CDV3: variants seen among roughly 807,000 people sequenced by gnomAD.
CDV3 encodes the protein protein CDV3 homolog.
In CDV3, 14 loss-of-function variants were observed where a neutral mutation model predicts 24.5. The ratio of observed to expected loss-of-function variants is 0.57; its 90% CI spans 0.38 to 0.89. CDV3 has a LOEUF of 0.89. CDV3 is among the 40% of genes least tolerant of loss of function. The pLI is 0.00. For missense variants in CDV3, 304 were observed against 310.2 expected, an observed-to-expected ratio of 0.98 and a Z score of 0.15; for synonymous variants, 114 against 114.1, an observed-to-expected ratio of 1.00 and a Z score of 0.00.
Position 133,589,700 on chromosome 3 carries a change from C to A in CDV3, c.*1654C>A, listed in dbSNP as rs1372625829. 3 of 152,558 alleles carry A rather than the reference C, an allele frequency of 2.0e-5. No homozygotes were observed. The highest frequency in any genetic ancestry group is 1.3e-4 in the Admixed American group (2 of 15,278). 9.5% of individuals were successfully genotyped at this position (152,558 alleles called of 1,614,324 possible). On this transcript the variant is annotated 3_prime_UTR_variant, in exon 5 of 5. Transcript: ENST00000264993. Reference sequence around the variant, plus strand: ...TTTAGTCTTGACGAAAGTGTCCGTGCAGGAATTGGACTCCGAGGAGGGTTA... The same window carrying A: ...TTTAGTCTTGACGAAAGTGTCCGTGAAGGAATTGGACTCCGAGGAGGGTTA...
Position 133,574,012 on chromosome 3 carries a change from G to A in CDV3, c.-33G>A, listed in dbSNP as rs2074703708. The A allele has an allele frequency of 8.5e-6, 9 of 1,059,370 alleles. No individual in the cohort carries two copies. The highest frequency in any genetic ancestry group is 1.0e-5 in the Non-Finnish European group (9 of 871,362). The allele number at this position is 1,059,370 out of a possible 1,614,324, so 65.6% of individuals were successfully genotyped here. ...GCCCCGCGGGCCGCGCCCGCCGCCG[G>A]CCCCACCCATCCGGGTCGAGGAGGC... is the stretch of plus-strand genomic sequence containing the variant. On this transcript the variant is annotated 5_prime_UTR_variant, in exon 1 of 5. Coordinates refer to ENST00000264993, the MANE Select transcript of CDV3 (RefSeq NM_017548.5).
At chr3:133,584,283 ATG>A in intron 3 of CDV3, 133 bp downstream of exon 3, 1 of 630,762 alleles carries the variant, frequency 1.6e-6, no homozygotes. Context: ...GTAGAGTGGG[ATG>A]TGTATATATC....
intron 2 of CDV3, among the ~76,000 whole-genome samples, chr3:133,580,505 C>G (rs758309672): frequency 6.6e-6 from 1 of 152,172 alleles, no homozygotes; most frequent in Non-Finnish European, 1.5e-5. Flanking sequence ...GAGTTCGAGA[C>G]CAGCCTGGCC....
intron 2 of CDV3, among the ~76,000 whole-genome samples, chr3:133,580,766 C>T (rs1408120931): frequency 1.3e-5 from 2 of 152,090 alleles, no homozygotes; most frequent in Non-Finnish European, 2.9e-5. Context: ...GTTTTGAACT[C>T]CTGGCCTCAA....
At chr3:133,577,463 C>T (rs918713663) in intron 2 of CDV3, among the ~76,000 whole-genome samples, 6 of 151,772 alleles carry the variant, frequency 4.0e-5, no homozygotes, top group Admixed American at 6.6e-5. Context: ...CGGGTTCAAG[C>T]GATTCTCCTG....
At chr3:133,581,665 G>T (rs1465257343) in intron 2 of CDV3, among the ~76,000 whole-genome samples, 2 of 152,306 alleles carry the variant, frequency 1.3e-5, no homozygotes, top group East Asian at 3.9e-4. Context: ...GAACCAGGAA[G>T]CCTGACTTTA....
chr3:133,586,612 TG>T lies in CDV3; in HGVS notation c.520del (p.Ala174ProfsTer3). 6.3e-7 allele frequency: 1 copy of T among 1,599,652 alleles called. No homozygotes were observed. On this transcript the variant is annotated frameshift_variant, in exon 4 of 5. Transcript: ENST00000264993. LOFTEE classifies it high-confidence loss of function. ...TGACTAGTGGTGTGTATAGGCCTCC[TG>T]GGGCCAGGTTAACCACAACAAGGAA... ...AMTSGVYRPP[G>X]ARLTTTRKTP... is the part of the protein sequence containing the mutation.
At position 133,573,916 on chromosome 3, in the gene CDV3, AC is replaced by A; in HGVS notation, c.-125del. The A allele has an allele frequency of 2.9e-6, 2 of 688,410 alleles. No individual in the cohort carries two copies. The highest frequency in any genetic ancestry group is 3.6e-6 in the Non-Finnish European group (2 of 559,722). The allele number at this position is 688,410 out of a possible 1,614,324, so 42.6% of individuals were successfully genotyped here. ...CCGTCTCGCCGCGCACGCCTCGGCG[AC>A]CCCGCGGGGCTGAGGCGTCGCCGCG... On this transcript the variant is annotated 5_prime_UTR_variant, in exon 1 of 5. Coordinates refer to ENST00000264993, the MANE Select transcript of CDV3 (RefSeq NM_017548.5).
intron 1 of CDV3, chr3:133,574,573 C>T (rs2074729843): frequency 2.0e-6 from 2 of 990,106 alleles, no homozygotes; most frequent in Non-Finnish European, 2.4e-6. Context: ...CAGTGCCCAG[C>T]ACAGAGCAGC....
At chr3:133,587,566 TG>T in intron 4 of CDV3, 1 of 1,102,304 alleles carries the variant, frequency 9.1e-7, no homozygotes, top group South Asian at 4.1e-5. Context: ...AAGAGAGAGA[TG>T]TATTATCTAT....
chr3:133,588,246 C>A lies in CDV3; in HGVS notation c.*200C>A, dbSNP rs1339458094. ...GGATTTAGGGGAATTTTCATTGTTA[C>A]ATAAATGTGTGAACTAGTTTCAACA... is the stretch of plus-strand genomic sequence containing the variant. On this transcript the variant is annotated 3_prime_UTR_variant, in exon 5 of 5. Coordinates refer to ENST00000264993, the MANE Select transcript of CDV3 (RefSeq NM_017548.5). 7 of 1,541,698 alleles carry A rather than the reference C, an allele frequency of 4.5e-6. No individual in the cohort carries two copies. The highest frequency in any genetic ancestry group is 6.1e-6 in the Non-Finnish European group (7 of 1,144,450).
intron 2 of CDV3, among the ~76,000 whole-genome samples, chr3:133,582,952 T>C (rs149006112): frequency 0.011 from 1,651 of 152,298 alleles, 29 homozygotes; most frequent in African/African-American, 0.036. Flanking sequence ...ATTTAGGACA[T>C]GTAAAGTTAC....
At chr3:133,587,053 A>C in intron 4 of CDV3, 1 of 556,786 alleles carries the variant, frequency 1.8e-6, no homozygotes, top group Non-Finnish European at 2.9e-6. Flanking sequence ...TATAATATGG[A>C]AACTAGAAAT....
chr3:133,575,379 A>G (rs2074767324), intron 2 of CDV3, among the ~76,000 whole-genome samples: 1 of 152,378 alleles, frequency 6.6e-6, no homozygotes, highest in South Asian at 2.1e-4. Context: ...TGAGACAGCT[A>G]AAGTGGATTT....
chr3:133,588,300 C>G lies in CDV3; in HGVS notation c.*254C>G. 1 of 1,537,260 alleles carries G rather than the reference C, an allele frequency of 6.5e-7. No homozygotes were observed. The highest frequency in any genetic ancestry group is 2.0e-5 in the Admixed American group (1 of 50,858). ...TTCTTTCATATTTACTCTGCAAATA[C>G]AAAAAACCAAAACCTGCAGCCAGTG... On this transcript the variant is annotated 3_prime_UTR_variant, in exon 5 of 5. Coordinates refer to ENST00000264993, the MANE Select transcript of CDV3 (RefSeq NM_017548.5).
chr3:133,586,593 G>A lies in CDV3; in HGVS notation c.497G>A (p.Ser166Asn). The A allele has an allele frequency of 1.3e-6, 2 of 1,598,312 alleles. No homozygotes were observed. Among genetic ancestry groups the A allele is most frequent in the Non-Finnish European group, 1.7e-6 (2 of 1,165,736 alleles). The change falls in exon 4 of 5, where the codon AGT becomes AAT. Residue 166 changes from serine to asparagine, a missense_variant. Ser to Asn is a conservative substitution (Grantham distance 46). Transcript: ENST00000264993. The part of the protein sequence containing the change: ...VTETPEPAMT[S>N]GVYRPPGARL... ...GAAACCCCAGAACCAGCGATGACTAGTGGTGTGTATAGGCCTCCTGGGGCC... is the reference window on the plus strand; with the variant it reads ...GAAACCCCAGAACCAGCGATGACTAATGGTGTGTATAGGCCTCCTGGGGCC...
chr3:133,574,817 G>A, intron 1 of CDV3: 1 of 851,732 alleles, frequency 1.2e-6, no homozygotes, highest in Non-Finnish European at 1.6e-6. Flanking sequence ...TAAAGTAACA[G>A]CTCCCATGCA....
At chr3:133,587,385 C>T in intron 4 of CDV3, 1 of 1,216,072 alleles carries the variant, frequency 8.2e-7, no homozygotes, top group South Asian at 3.8e-5. Context: ...ACTTGCTCCT[C>T]TGCTCTGTCT....
chr3:133,589,210 A>G lies in CDV3; in HGVS notation c.*1164A>G, dbSNP rs1287785680. ...ATTTAAGTGGCATGGATTGTGCATG[A>G]TCTTTGATAAGAATTCCTCATGTAC... On this transcript the variant is annotated 3_prime_UTR_variant, in exon 5 of 5. Transcript: ENST00000264993. 1 of 152,656 alleles carries G rather than the reference A, an allele frequency of 6.6e-6. No homozygotes were observed. Among genetic ancestry groups the G allele is most frequent in the East Asian group, 1.9e-4 (1 of 5,204 alleles). 9.5% of individuals were successfully genotyped at this position (152,656 alleles called of 1,614,324 possible).
Sources: gnomAD v4.1 joint callset for allele counts (sites outside exome capture counted in the v4.1 genomes callset) on GRCh38, gnomAD v4.1.1 for gene constraint, MANE v1.5 for transcripts, NCBI Gene and HGNC (gene_info 2026-07-23, HGNC 2026-07-21) for gene names.